FBXO41: variants seen among roughly 807,000 people sequenced by gnomAD.
FBXO41 encodes the protein F-box protein 41.
A neutral mutation model predicts 81.6 loss-of-function variants in FBXO41; 33 were observed. The ratio of observed to expected loss-of-function variants is 0.40; its 90% CI spans 0.31 to 0.54. FBXO41 has a LOEUF of 0.54. FBXO41 is among the 20% of genes least tolerant of loss of function. The pLI, the probability that FBXO41 is intolerant of heterozygous loss-of-function variation, is 0.39. For synonymous variants in FBXO41, 576 were observed against 552.7 expected (o/e 1.04, Z -0.59); for missense variants, 1,107 against 1,236.0 (o/e 0.90, Z 1.56).
At position 73,266,809 on chromosome 2, in the gene FBXO41, G is replaced by A. The variant is rs1688297037; in HGVS notation, c.906-127C>T. The A allele has an allele frequency of 1.2e-5, 17 of 1,380,992 alleles. No homozygotes were observed. The highest frequency in any genetic ancestry group is 3.5e-5 in the Admixed American group (1 of 28,858). The allele number at this position is 1,380,992 out of a possible 1,614,324, so 85.5% of individuals were successfully genotyped here. A position where few individuals can be genotyped will look rare whatever the true frequency, so the allele number is the denominator to read the frequency against. The stretch of plus-strand genomic sequence containing the variant: ...CTGCGGTGTCTGCTTATGGTCACAT[G>A]GGTTCCTGCAGAACAGGCCTAGCAC... On this transcript the variant is annotated intron_variant, in intron 2 of 12. Coordinates refer to ENST00000520530, the MANE Select transcript of FBXO41 (RefSeq NM_001371389.2). This position sits in a 1 kb window ranked among gnomAD's most constrained non-coding sequence, Gnocchi z 5.3.
Position 73,260,728 on chromosome 2 carries a change from G to A in FBXO41, c.2290+12C>T, listed in dbSNP as rs1687985057. 2 of 1,537,528 alleles carry A rather than the reference G, an allele frequency of 1.3e-6. No individual in the cohort carries two copies. The highest frequency in any genetic ancestry group is 2.5e-5 in the East Asian group (1 of 40,808). Reference sequence around the variant, plus strand: ...CCCACTACCCACCACCCCAGTCCAAGGAAAGACTCACCGAGTGATGCCAGG... The same window carrying A: ...CCCACTACCCACCACCCCAGTCCAAAGAAAGACTCACCGAGTGATGCCAGG... On this transcript the variant is annotated intron_variant, in intron 10 of 12. Transcript: ENST00000520530. This position sits in a 1 kb window ranked among gnomAD's most constrained non-coding sequence, Gnocchi z 5.0.
chr2:73,259,003 G>T lies in FBXO41; in HGVS notation c.2607C>A (p.Ile869=). 6.3e-7 allele frequency: 1 copy of T among 1,592,656 alleles called. No homozygotes were observed. The highest frequency in any genetic ancestry group is 8.5e-7 in the Non-Finnish European group (1 of 1,169,860). Residue 869 remains isoleucine (I), a synonymous_variant, in exon 13 of 13, where the codon ATC becomes ATA. Transcript: ENST00000520530. This position sits in a 1 kb window ranked among gnomAD's most constrained non-coding sequence, Gnocchi z 4.2. The part of the protein sequence containing the change: ...RRPGFSKILH[I]KVEGGC ...CGGGTTAGCAGCCGCCTTCCACCTT[G>T]ATGTGCAGAATCTTAGAGAAGCCGG...
chr2:73,255,065 G>A lies in FBXO41; in HGVS notation c.*3917C>T, dbSNP rs1687757698. 1 of 152,814 alleles carries A rather than the reference G, an allele frequency of 6.5e-6. No individual in the cohort carries two copies. Among genetic ancestry groups the A allele is most frequent in the Non-Finnish European group, 1.5e-5 (1 of 68,182 alleles). 9.5% of individuals were successfully genotyped at this position (152,814 alleles called of 1,614,324 possible). On this transcript the variant is annotated 3_prime_UTR_variant, in exon 13 of 13. Coordinates refer to ENST00000520530, the MANE Select transcript of FBXO41 (RefSeq NM_001371389.2). ...CACCAGTGGTGCCCACTAGAACCAA[G>A]CCTGCTGGCATCAGCCACAAAGCAA...
chr2:73,260,919 C>T lies in FBXO41; in HGVS notation c.2172-61G>A, dbSNP rs999551533. 5.0e-6 allele frequency: 7 copies of T among 1,404,016 alleles called. No homozygotes were observed. In the Admixed American group the frequency reaches 1.3e-4, roughly 26 times the overall value. The allele number at this position is 1,404,016 out of a possible 1,614,324, so 87.0% of individuals were successfully genotyped here. Reference sequence around the variant, plus strand: ...TCTGGATGCTTGATAACCCAGCATGCTCCTCCTGTGGGACCCCTCCCTGAC... The same window carrying T: ...TCTGGATGCTTGATAACCCAGCATGTTCCTCCTGTGGGACCCCTCCCTGAC... On this transcript the variant is annotated intron_variant, in intron 9 of 12. Transcript: ENST00000520530. This position sits in a 1 kb window ranked among gnomAD's most constrained non-coding sequence, Gnocchi z 5.0.
intron 9 of FBXO41, among the ~76,000 whole-genome samples, chr2:73,261,937 G>A (rs2103856407): frequency 6.6e-6 from 1 of 152,032 alleles, no homozygotes; most frequent in Middle Eastern, 3.4e-3. Flanking sequence ...TTATTGCAAA[G>A]TAGGGCTGGG....
At chr2:73,264,779 A>C (rs769924016) in intron 5 of FBXO41, among the ~76,000 whole-genome samples, 1 of 152,030 alleles carries the variant, frequency 6.6e-6, no homozygotes. Flanking sequence ...CCCCTACAAG[A>C]GGCAACACAT....
Position 73,266,607 on chromosome 2 carries a change from C to T in FBXO41, c.981G>A (p.Gln327=). 5 of 1,610,856 alleles carry T rather than the reference C, an allele frequency of 3.1e-6. No individual in the cohort carries two copies. The highest frequency in any genetic ancestry group is 4.2e-6 in the Non-Finnish European group (5 of 1,178,764). ...CCCGCTCAAGGAGCTCCTCAATGAA[C>T]TGCTGCAGCCGCAGCTTGGCGCTGG... ...REASAKLRLQ[Q]FIEELLERAD... Residue 327 remains glutamine, a synonymous_variant, in exon 3 of 13, where the codon CAG becomes CAA. Coordinates refer to ENST00000520530, the MANE Select transcript of FBXO41 (RefSeq NM_001371389.2). The surrounding 1 kb of genome is among the most constrained non-coding windows in gnomAD (Gnocchi z 5.3).
rs1468892012 is a variant in FBXO41, at chr2:73,260,123, C to A, written c.2449+266G>T. Among the ~76,000 whole-genome samples, 2 of 152,110 alleles carry A rather than the reference C, an allele frequency of 1.3e-5. No individual in the cohort carries two copies. The highest frequency in any genetic ancestry group is 4.8e-5 in the African/African-American group (2 of 41,394). ...CATCTCATTTAATCCTCTCACCCAT[C>A]CTAGAAAGTCAGCTTAGAAGATGGG... On this transcript the variant is annotated intron_variant, in intron 11 of 12. Transcript: ENST00000520530. The surrounding 1 kb of genome is among the most constrained non-coding windows in gnomAD (Gnocchi z 5.0).
chr2:73,281,502 T>A (rs113632861), intron 1 of FBXO41, among the ~76,000 whole-genome samples: 1 of 152,184 alleles, frequency 6.6e-6, no homozygotes, highest in Non-Finnish European at 1.5e-5. Context: ...AACTGGACAT[T>A]TGCAAGCCTG....
intron 1 of FBXO41, among the ~76,000 whole-genome samples, chr2:73,272,484 A>C (rs1688536492): frequency 6.6e-6 from 1 of 152,250 alleles, no homozygotes; most frequent in Non-Finnish European, 1.5e-5. Context: ...GGGGCCTGAC[A>C]GGTACTCAAC....
chr2:73,274,466 T>A (rs1688627958), intron 1 of FBXO41, among the ~76,000 whole-genome samples: 1 of 152,254 alleles, frequency 6.6e-6, no homozygotes, highest in African/African-American at 2.4e-5. Context: ...TTGTTTATGG[T>A]CTTTATTGAT....
chr2:73,276,609 AGAGGGAGAGAGG>A (rs1318830995), intron 1 of FBXO41, among the ~76,000 whole-genome samples: 2,508 of 90,164 alleles, frequency 0.028, 197 homozygotes, highest in African/African-American at 0.15. Flanking sequence ...AGAGAGGGAG[AGAGGGAGAGAGG>A]GAGAGAATGC....
chr2:73,279,593 T>G (rs1688789799), intron 1 of FBXO41, among the ~76,000 whole-genome samples: 1 of 152,026 alleles, frequency 6.6e-6, no homozygotes, highest in Non-Finnish European at 1.5e-5. Flanking sequence ...GGAAATAATG[T>G]TGAAAACTCA....
chr2:73,276,491 G>A (rs1420763728), intron 1 of FBXO41, among the ~76,000 whole-genome samples: 1 of 150,880 alleles, frequency 6.6e-6, no homozygotes, highest in East Asian at 2.0e-4. Flanking sequence ...ATGTAGCCTT[G>A]AGAAGTAAAT....
rs189026105 is a variant in FBXO41 at position 73,260,914 on chromosome 2, G to T, written c.2172-56C>A. On this transcript the variant is annotated intron_variant, in intron 9 of 12. Transcript: ENST00000520530. The surrounding 1 kb of genome is among the most constrained non-coding windows in gnomAD (Gnocchi z 5.0). ...AAGTCTCTGGATGCTTGATAACCCA[G>T]CATGCTCCTCCTGTGGGACCCCTCC... The T allele has an allele frequency of 2.1e-6, 3 of 1,427,690 alleles. No individual in the cohort carries two copies. Among genetic ancestry groups the T allele is most frequent in the Middle Eastern group, 1.8e-4 (1 of 5,564 alleles). The allele number at this position is 1,427,690 out of a possible 1,614,324, so 88.4% of individuals were successfully genotyped here.
At position 73,263,680 on chromosome 2, in the gene FBXO41, G is replaced by A; in HGVS notation, c.2073C>T (p.Tyr691=). The change falls in exon 8 of 13, where the codon TAC becomes TAT. Residue 691 remains tyrosine (Y), a splice_region_variant and synonymous_variant. Transcript: ENST00000520530. The stretch of plus-strand genomic sequence containing the variant: ...ATGCTTCTAGTCGGTTGACCCACCT[G>A]TACGTGACAGCCTGCAGGGCACGGC... ...CYCRALQAVT[Y]RSATDPVGHE... 1.9e-6 allele frequency: 3 copies of A among 1,613,210 alleles called. No individual in the cohort carries two copies. The highest frequency in any genetic ancestry group is 2.5e-6 in the Non-Finnish European group (3 of 1,179,860).
rs1278024490 is a variant in FBXO41 at position 73,254,949 on chromosome 2, TTGGGGC to T, written c.*4027_*4032del. The stretch of plus-strand genomic sequence containing the variant: ...TTGCTCTCCACCCCTCTGCCTGTGC[TTGGGGC>T]TGGGGAAGCTACCCTCTCACTCAGG... On this transcript the variant is annotated 3_prime_UTR_variant, in exon 13 of 13. Coordinates refer to ENST00000520530, the MANE Select transcript of FBXO41 (RefSeq NM_001371389.2). 1 of 152,708 alleles carries T rather than the reference TTGGGGC, an allele frequency of 6.5e-6. No homozygotes were observed. Among genetic ancestry groups the T allele is most frequent in the Non-Finnish European group, 1.5e-5 (1 of 68,074 alleles). 9.5% of individuals were successfully genotyped at this position (152,708 alleles called of 1,614,324 possible).
chr2:73,263,902 C>G (rs751645729), intron 7 of FBXO41, 36 bp downstream of exon 7: 1 of 1,613,578 alleles, frequency 6.2e-7, no homozygotes, highest in Non-Finnish European at 8.5e-7. Flanking sequence ...GTCTGTGGCC[C>G]AACAGCACCC....
In FBXO41 at chr2:73,256,147, ACCTGGGG is replaced by A. The variant is rs1687803828; in HGVS notation, c.*2828_*2834del. ...CCACCCCCACTGGGCCTCTACACAT[ACCTGGGG>A]CCCCTGGAGCAGGGCTGCTTGCTCT... On this transcript the variant is annotated 3_prime_UTR_variant, in exon 13 of 13. Transcript: ENST00000520530. 1 of 152,098 alleles carries A rather than the reference ACCTGGGG, an allele frequency of 6.6e-6. No homozygotes were observed. Among genetic ancestry groups the A allele is most frequent in the Non-Finnish European group, 1.5e-5 (1 of 68,042 alleles). 9.4% of individuals were successfully genotyped at this position (152,098 alleles called of 1,614,324 possible). A position where few individuals can be genotyped will look rare whatever the true frequency, so the allele number is the denominator to read the frequency against.
Sources: allele counts gnomAD v4.1 joint callset (sites outside exome capture counted in the v4.1 genomes callset), GRCh38; gene constraint gnomAD v4.1.1; non-coding constraint Gnocchi (gnomAD v3.1); transcripts MANE v1.5; gene names NCBI Gene and HGNC (gene_info 2026-07-23, HGNC 2026-07-21).